Variants in SGCD observed in about 807,000 individuals in gnomAD.
The protein encoded by SGCD is delta-sarcoglycan.
A neutral mutation model predicts 36.6 loss-of-function variants in SGCD; 18 were observed. The observed-to-expected ratio is 0.49, with a 90% CI of 0.34 to 0.73. The LOEUF is 0.73. SGCD is among the 30% of genes least tolerant of loss of function. SGCD has a pLI of 0.01. For missense variants in SGCD, 387 were observed against 346.7 expected (o/e 1.12, Z -0.92); for synonymous variants, 133 against 130.6 (o/e 1.02, Z -0.12).
chr5:156,224,187 A>G (rs1228749741), intron 3 of SGCD, among the ~76,000 whole-genome samples: 3 of 152,024 alleles, frequency 2.0e-5, no homozygotes, highest in African/African-American at 7.2e-5. Context: ...GCAGGGAGAT[A>G]GAGAGCCTTG....
At chr5:155,998,041 G>A (rs1205807975) in intron 1 of SGCD, among the ~76,000 whole-genome samples, 1 of 152,218 alleles carries the variant, frequency 6.6e-6, no homozygotes, top group African/African-American at 2.4e-5. Flanking sequence ...GTGTGCACGT[G>A]TCAGGGACTG....
intron 6 of SGCD, among the ~76,000 whole-genome samples, chr5:156,618,562 T>C (rs200710653): frequency 4.4e-5 from 6 of 134,932 alleles, no homozygotes; most frequent in East Asian, 2.1e-4. Flanking sequence ...TCATTTGAAA[T>C]GCTACAGGGA....
the SGCD span, among the ~76,000 whole-genome samples, chr5:155,756,633 C>G: frequency 6.6e-6 from 1 of 152,164 alleles, no homozygotes; most frequent in African/African-American, 2.4e-5. Flanking sequence ...TAAACATAAG[C>G]TGTTGTTTTT....
At chr5:156,522,196 G>A (rs1294964314) in intron 4 of SGCD, among the ~76,000 whole-genome samples, 2 of 152,082 alleles carry the variant, frequency 1.3e-5, no homozygotes, top group Non-Finnish European at 2.9e-5. Flanking sequence ...CCTGTCAGGG[G>A]GTGGGGGGCT....
chr5:156,200,308 A>G (rs1288100020), intron 3 of SGCD, among the ~76,000 whole-genome samples: 1 of 152,164 alleles, frequency 6.6e-6, no homozygotes, highest in Non-Finnish European at 1.5e-5. Context: ...TACTGGCATA[A>G]AGACAGATAC....
chr5:156,488,223 G>T (rs1339190803), intron 3 of SGCD, among the ~76,000 whole-genome samples: 2 of 150,072 alleles, frequency 1.3e-5, no homozygotes, highest in East Asian at 3.9e-4. Flanking sequence ...AGTTCCCAAA[G>T]GAGCTGGACA....
chr5:156,330,057 C>G (rs993887295), intron 2 of SGCD, among the ~76,000 whole-genome samples: 14 of 145,606 alleles, frequency 9.6e-5, no homozygotes, highest in African/African-American at 3.3e-4. Flanking sequence ...AGGGCACATA[C>G]TACATCGTTG....
the SGCD span, among the ~76,000 whole-genome samples, chr5:155,812,349 T>C: frequency 6.6e-6 from 1 of 152,220 alleles, no homozygotes; most frequent in African/African-American, 2.4e-5. Flanking sequence ...CGTCCATTCA[T>C]AGGCTCTCCG....
chr5:155,964,405 C>A (rs1757859613), intron 1 of SGCD, among the ~76,000 whole-genome samples: 1 of 151,970 alleles, frequency 6.6e-6, no homozygotes, highest in Non-Finnish European at 1.5e-5. Flanking sequence ...AGTGCATGAT[C>A]TCAGCTCACT....
intron 7 of SGCD, among the ~76,000 whole-genome samples, chr5:156,650,193 G>T (rs1406453128): frequency 6.6e-6 from 1 of 152,090 alleles, no homozygotes; most frequent in Non-Finnish European, 1.5e-5. Context: ...CCTTTAAAAA[G>T]TTAAACCTCC....
intron 1 of SGCD, among the ~76,000 whole-genome samples, chr5:156,047,919 C>T (rs935699057): frequency 2.6e-5 from 4 of 151,906 alleles, no homozygotes; most frequent in Non-Finnish European, 5.9e-5. Context: ...GTGTGCTGCA[C>T]CATTAACTCG....
At chr5:155,947,043 T>C (rs554226871) in intron 1 of SGCD, among the ~76,000 whole-genome samples, 16 of 152,318 alleles carry the variant, frequency 1.1e-4, no homozygotes, top group Middle Eastern at 3.4e-3. Context: ...ACTCTTCCTA[T>C]TCTGCCAGCA....
chr5:155,763,996 C>T, the SGCD span, among the ~76,000 whole-genome samples: 2 of 152,086 alleles, frequency 1.3e-5, no homozygotes, highest in Non-Finnish European at 2.9e-5. Flanking sequence ...GAAACTTAAA[C>T]TTTCATTTTG....
the SGCD span, among the ~76,000 whole-genome samples, chr5:155,816,284 C>G: frequency 6.6e-6 from 1 of 152,068 alleles, no homozygotes; most frequent in Admixed American, 6.6e-5. Context: ...CTATTAATAG[C>G]CTACTGTTGC....
At chr5:156,244,355 G>A (rs1225459681) in intron 3 of SGCD, among the ~76,000 whole-genome samples, 1 of 152,088 alleles carries the variant, frequency 6.6e-6, no homozygotes, top group East Asian at 1.9e-4. Context: ...TGGGACAATT[G>A]GCAAAAATAA....
At chr5:156,045,313 A>G (rs1759737267) in intron 1 of SGCD, among the ~76,000 whole-genome samples, 1 of 152,184 alleles carries the variant, frequency 6.6e-6, no homozygotes, top group Non-Finnish European at 1.5e-5. Context: ...TGTATATTTT[A>G]CAGCGTAAGA....
intron 3 of SGCD, among the ~76,000 whole-genome samples, chr5:156,318,886 G>A (rs1047692857): frequency 3.9e-5 from 6 of 152,186 alleles, no homozygotes; most frequent in South Asian, 2.1e-4. Context: ...ATGAGTCACC[G>A]CATTTGGCCT....
At chr5:155,729,212 T>C in the SGCD span, among the ~76,000 whole-genome samples, 1 of 152,140 alleles carries the variant, frequency 6.6e-6, no homozygotes. Flanking sequence ...GAAAAGGGGC[T>C]CCCTAGAGCA....
At chr5:156,346,670 A>G (rs1305374146) in intron 3 of SGCD, among the ~76,000 whole-genome samples, 1 of 152,206 alleles carries the variant, frequency 6.6e-6, no homozygotes, top group Non-Finnish European at 1.5e-5. Context: ...TTATATGGTC[A>G]GTTTCCATGG....
Sources: allele counts gnomAD v4.1 joint callset (sites outside exome capture counted in the v4.1 genomes callset), GRCh38; gene constraint gnomAD v4.1.1; transcripts MANE v1.5; gene names NCBI Gene and HGNC (gene_info 2026-07-23, HGNC 2026-07-21).